EVC2: variants seen among roughly 807,000 people sequenced by gnomAD.
The protein encoded by EVC2 is EvC ciliary complex subunit 2.
EVC2 carries 148 observed loss-of-function variants against 149.3 expected under a neutral mutation model. The ratio of observed to expected loss-of-function variants is 0.99; its 90% CI spans 0.87 to 1.14. The LOEUF is 1.14. Among genes scored for constraint, EVC2 ranks in the 50% most tolerant of loss-of-function variants. EVC2 has a pLI of 0.00. For missense variants in EVC2, 1,854 were observed against 1,627.3 expected (o/e 1.14, Z -2.40); for synonymous variants, 776 against 649.9 (o/e 1.19, Z -2.95).
At chr4:5,560,602 G>T (rs942154235), downstream of EVC2, among the ~76,000 whole-genome samples, 35 of 152,128 alleles carry the variant, frequency 2.3e-4, no homozygotes, top group African/African-American at 8.4e-4. The surrounding 1 kb of genome is among the most constrained non-coding windows in gnomAD (Gnocchi z 4.1). Flanking sequence ...GGATTATAAG[G>T]ATTACAATTC....
intron 11 of EVC2, among the ~76,000 whole-genome samples, chr4:5,631,296 T>C (rs1362657838): frequency 2.6e-5 from 4 of 152,192 alleles, no homozygotes; most frequent in African/African-American, 4.8e-5. Flanking sequence ...GGTGCTATCA[T>C]GGCTCACTGT....
At chr4:5,689,780 G>T (rs193291846) in intron 4 of EVC2, among the ~76,000 whole-genome samples, 18 of 152,122 alleles carry the variant, frequency 1.2e-4, no homozygotes, top group Admixed American at 5.2e-4. Context: ...CTGCTCGTCC[G>T]CCTCTTGGAT....
At chr4:5,689,405 G>A (rs1720953167) in intron 4 of EVC2, 62 bp from the exon 5 acceptor site, 2 of 1,562,744 alleles carry the variant, frequency 1.3e-6, no homozygotes, top group South Asian at 1.1e-5. Flanking sequence ...CCTAAAATGG[G>A]GCATGAGCCC....
intron 15 of EVC2, among the ~76,000 whole-genome samples, chr4:5,616,815 G>T (rs1577162337): frequency 1.3e-5 from 2 of 152,158 alleles, no homozygotes; most frequent in African/African-American, 4.8e-5. Context: ...CGAAAAGGAA[G>T]ATGACATCTG....
the EVC2 span, among the ~76,000 whole-genome samples, chr4:5,532,397 C>T: frequency 2.0e-5 from 3 of 152,312 alleles, no homozygotes; most frequent in Admixed American, 2.0e-4. Flanking sequence ...ACAGAAGCAT[C>T]CAGAATCATG....
intron 9 of EVC2, among the ~76,000 whole-genome samples, chr4:5,652,813 C>T (rs1443229768): frequency 6.6e-6 from 1 of 152,186 alleles, no homozygotes; most frequent in East Asian, 1.9e-4. Context: ...TGCAGCTCCC[C>T]AGGCCTGCTC....
intron 13 of EVC2, among the ~76,000 whole-genome samples, chr4:5,623,856 CT>C (rs1242424653): frequency 2.0e-5 from 3 of 152,198 alleles, no homozygotes. Flanking sequence ...TAGGACCTCC[CT>C]TTCAGAAGAG....
the EVC2 span, among the ~76,000 whole-genome samples, chr4:5,532,255 C>T: frequency 0.096 from 14,575 of 152,034 alleles, 841 homozygotes; most frequent in South Asian, 0.24. Context: ...ATCCCACTTG[C>T]TTAGGGGAGG....
At chr4:5,682,315 A>AC (rs1720402142) in intron 6 of EVC2, among the ~76,000 whole-genome samples, 1 of 151,610 alleles carries the variant, frequency 6.6e-6, no homozygotes, top group Non-Finnish European at 1.5e-5. Flanking sequence ...ATGTAGTGAA[A>AC]CCCCATCTCT....
chr4:5,700,495 C>T (rs905654538), intron 1 of EVC2, among the ~76,000 whole-genome samples: 14 of 152,196 alleles, frequency 9.2e-5, no homozygotes, highest in African/African-American at 3.4e-4. Flanking sequence ...TGGCCCCTGA[C>T]CTCACCCAGG....
At chr4:5,596,731 G>C (rs973232128) in intron 16 of EVC2, among the ~76,000 whole-genome samples, 3 of 152,134 alleles carry the variant, frequency 2.0e-5, no homozygotes, top group African/African-American at 7.2e-5. Flanking sequence ...GAGCAGAACT[G>C]AAGGAAATAG....
downstream of EVC2, among the ~76,000 whole-genome samples, chr4:5,538,644 C>G (rs1286723353): frequency 6.6e-6 from 1 of 151,970 alleles, no homozygotes; most frequent in Non-Finnish European, 1.5e-5. Context: ...TGAGTTTATC[C>G]CAAGAAGGCA....
At chr4:5,632,112 G>A (rs1716586711) in intron 10 of EVC2, 80 bp from the exon 11 acceptor site, 5 of 1,560,686 alleles carry the variant, frequency 3.2e-6, no homozygotes, top group Non-Finnish European at 3.5e-6. Context: ...AATGTGTACA[G>A]GCACATGTGC....
intron 1 of EVC2, among the ~76,000 whole-genome samples, chr4:5,704,105 A>G (rs754443623): frequency 1.3e-4 from 20 of 152,154 alleles, no homozygotes; most frequent in Non-Finnish European, 2.8e-4. Context: ...GATGAGTGGC[A>G]TAATAGCCAT....
Position 5,574,701 on chromosome 4 carries a change from G to T in EVC2, c.3344C>A (p.Ala1115Glu), listed in dbSNP as rs1216839016. The stretch of plus-strand genomic sequence containing the variant: ...CCTTCTCACCTGGCTGCACAGGGTT[G>T]CAAAGGTGTCTGCCTCCATGTTTTC... ...LLENMEADTF[A>E]TLCSQELRLA... The change falls in exon 19 of 22, where the codon GCA becomes GAA. Residue 1115 changes from alanine (A) to glutamate (E), a missense_variant. Transcript: ENST00000344408. 1 of 1,614,174 alleles carries T rather than the reference G, an allele frequency of 6.2e-7. No homozygotes were observed. The highest frequency in any genetic ancestry group is 1.1e-5 in the South Asian group (1 of 91,080).
intron 21 of EVC2, among the ~76,000 whole-genome samples, chr4:5,549,337 G>C (rs754976949): frequency 1.3e-5 from 2 of 152,118 alleles, no homozygotes; most frequent in East Asian, 3.9e-4. Flanking sequence ...CCTTCGACAG[G>C]GGAATACAAT....
In EVC2 at chr4:5,622,373, T is replaced by C. The variant is rs1715752211; in HGVS notation, c.2501+164A>G. 6.6e-6 allele frequency among the ~76,000 whole-genome samples: 1 copy of C among 151,796 alleles called. No individual in the cohort carries two copies. Among genetic ancestry groups the C allele is most frequent in the African/African-American group, 2.4e-5 (1 of 41,250 alleles). ...GTAGGGTCCTGCGTGACATTCGAGG[T>C]CCTCCCCCCGGGGCGTTGAGTTTAT... On this transcript the variant is annotated intron_variant, in intron 14 of 21. Transcript: ENST00000344408. The surrounding 1 kb of genome is among the most constrained non-coding windows in gnomAD (Gnocchi z 5.8).
chr4:5,665,791 G>T, intron 7 of EVC2, 142 bp from the exon 8 acceptor site: 2 of 1,359,644 alleles, frequency 1.5e-6, no homozygotes, highest in Non-Finnish European at 2.0e-6. Context: ...CCAGCTACCA[G>T]CTGGCTGCCT....
At chr4:5,600,097 T>C (rs566422157) in intron 16 of EVC2, among the ~76,000 whole-genome samples, 6 of 152,330 alleles carry the variant, frequency 3.9e-5, no homozygotes, top group Non-Finnish European at 8.8e-5. Context: ...TTTGCTTTGT[T>C]GTATTTTAAG....
Sources: gnomAD v4.1 joint callset for allele counts (sites outside exome capture counted in the v4.1 genomes callset) on GRCh38, gnomAD v4.1.1 for gene constraint, Gnocchi (gnomAD v3.1) non-coding constraint, MANE v1.5 for transcripts, NCBI Gene and HGNC (gene_info 2026-07-23, HGNC 2026-07-21) for gene names.